The following SNTG1 variants were observed in gnomAD, a reference collection of about 807,000 sequenced individuals.
The protein encoded by SNTG1 is gamma-1-syntrophin.
Under a neutral mutation model 74.7 loss-of-function variants are expected in SNTG1, and 39 were observed. The observed-to-expected ratio is 0.52, with a 90% CI of 0.40 to 0.68. The LOEUF is 0.68. Among genes scored for constraint, SNTG1 ranks in the 30% least tolerant of loss-of-function variants. SNTG1 has a pLI of 0.00. For missense variants in SNTG1, 685 were observed against 609.5 expected (o/e 1.12, Z -1.30); for synonymous variants, 254 against 217.1 (o/e 1.17, Z -1.49).
intron 1 of SNTG1, among the ~76,000 whole-genome samples, chr8:50,101,894 T>A (rs1379863312): frequency 6.6e-6 from 1 of 152,190 alleles, no homozygotes; most frequent in Non-Finnish European, 1.5e-5. Flanking sequence ...GAACTCATCA[T>A]TTTTTATGGC....
intron 1 of SNTG1, among the ~76,000 whole-genome samples, chr8:50,067,059 C>T (rs549605916): frequency 6.6e-6 from 1 of 152,214 alleles, no homozygotes; most frequent in African/African-American, 2.4e-5. Context: ...CATATAAAGC[C>T]ATTCTGCTGT....
intron 2 of SNTG1, among the ~76,000 whole-genome samples, chr8:50,228,801 G>T (rs531163630): frequency 2.0e-5 from 3 of 151,858 alleles, no homozygotes; most frequent in Non-Finnish European, 3.0e-5. Flanking sequence ...AGAAGGAAAA[G>T]AATATAACTC....
intron 3 of SNTG1, 47 bp downstream of exon 3, chr8:50,394,312 A>G (rs1287940273): frequency 1.9e-6 from 3 of 1,589,722 alleles, no homozygotes; most frequent in East Asian, 2.3e-5. Context: ...ACAGAATATA[A>G]GCGGGAAACA....
chr8:49,940,376 T>G (rs1042872728), intron 1 of SNTG1, among the ~76,000 whole-genome samples: 2 of 152,140 alleles, frequency 1.3e-5, no homozygotes, highest in African/African-American at 4.8e-5. Context: ...AAAAAGTAGA[T>G]TTTCCTGGGA....
rs537359421 is a variant in SNTG1 at position 50,264,777 on chromosome 8, C to T, written c.-28+92142C>T. ...AAATAGAGAGAAGACTTGAATTATTCGAATCAGGAATGAAAAGGAGAACAT... is the reference window on the plus strand; with the variant it reads ...AAATAGAGAGAAGACTTGAATTATTTGAATCAGGAATGAAAAGGAGAACAT... On this transcript the variant is annotated intron_variant, in intron 2 of 18. Transcript: ENST00000642720. 2.2e-4 allele frequency among the ~76,000 whole-genome samples: 34 copies of T among 151,700 alleles called. No homozygotes were observed. In the South Asian group the frequency reaches 4.2e-3, roughly 19 times the overall value.
At chr8:50,109,562 G>A (rs556824718) in intron 1 of SNTG1, among the ~76,000 whole-genome samples, 65 of 152,244 alleles carry the variant, frequency 4.3e-4, no homozygotes, top group African/African-American at 1.4e-3. Flanking sequence ...ATATTAGTTA[G>A]AATTGTTCTC....
chr8:50,226,801 A>T (rs1405130453), intron 2 of SNTG1, among the ~76,000 whole-genome samples: 1 of 152,198 alleles, frequency 6.6e-6, no homozygotes. Flanking sequence ...CATTGTAGTC[A>T]GGCCCTCCTG....
intron 4 of SNTG1, among the ~76,000 whole-genome samples, chr8:50,436,184 C>A (rs1203378053): frequency 6.6e-6 from 1 of 152,072 alleles, no homozygotes; most frequent in South Asian, 2.1e-4. Flanking sequence ...GACTGCACCA[C>A]TGATTTTGAT....
chr8:50,353,170 C>T (rs951047469), intron 2 of SNTG1, among the ~76,000 whole-genome samples: 5 of 149,358 alleles, frequency 3.3e-5, no homozygotes, highest in African/African-American at 1.2e-4. Context: ...AAACCAAACG[C>T]CAGATGTTCT....
intron 11 of SNTG1, among the ~76,000 whole-genome samples, chr8:50,540,589 G>A (rs373839455): frequency 6.6e-6 from 1 of 152,174 alleles, no homozygotes. Flanking sequence ...ACATAAACAT[G>A]GTAAAGTGTC....
At chr8:50,399,788 A>G (rs139737030) in intron 3 of SNTG1, among the ~76,000 whole-genome samples, 19 of 152,260 alleles carry the variant, frequency 1.2e-4, no homozygotes, top group Non-Finnish European at 2.1e-4. Flanking sequence ...AATATGTTCT[A>G]TATTAGGGAA....
At chr8:50,424,556 A>G (rs978699519) in intron 4 of SNTG1, among the ~76,000 whole-genome samples, 1 of 152,202 alleles carries the variant, frequency 6.6e-6, no homozygotes, top group Non-Finnish European at 1.5e-5. Context: ...AATATGATAC[A>G]AGTTTCCAGG....
At chr8:50,334,443 C>T (rs6985653) in intron 2 of SNTG1, among the ~76,000 whole-genome samples, 2,137 of 152,032 alleles carry the variant, frequency 0.014, 58 homozygotes, top group African/African-American at 0.049. Context: ...ATGAGTTTCT[C>T]CCCTGTAATT....
intron 1 of SNTG1, among the ~76,000 whole-genome samples, chr8:50,067,053 T>A (rs203942): frequency 0.5 from 76,282 of 152,020 alleles, 22,953 homozygotes; most frequent in East Asian, 0.81. Context: ...GAAAGACATA[T>A]AAAGCCATTC....
At chr8:50,428,257 T>C (rs1263238890) in intron 4 of SNTG1, among the ~76,000 whole-genome samples, 1 of 152,032 alleles carries the variant, frequency 6.6e-6, no homozygotes, top group African/African-American at 2.4e-5. Flanking sequence ...TTACAATGAG[T>C]TATAATGAAG....
intron 4 of SNTG1, among the ~76,000 whole-genome samples, chr8:50,430,744 T>G (rs988630035): frequency 6.6e-6 from 1 of 152,184 alleles, no homozygotes; most frequent in African/African-American, 2.4e-5. Context: ...AGGGTGTATA[T>G]GCTCCAGCAA....
chr8:49,986,116 G>T (rs1185788505), intron 1 of SNTG1, among the ~76,000 whole-genome samples: 2 of 152,132 alleles, frequency 1.3e-5, no homozygotes, highest in African/African-American at 2.4e-5. Flanking sequence ...CAAAGCAAAA[G>T]TTGTGCTGAT....
chr8:50,669,466 A>G (rs889637500), intron 15 of SNTG1, among the ~76,000 whole-genome samples: 2 of 152,212 alleles, frequency 1.3e-5, no homozygotes. Context: ...TCCTCGACAC[A>G]TACACCATCC....
chr8:50,706,591 T>C (rs868813160), intron 16 of SNTG1, among the ~76,000 whole-genome samples: 1 of 152,126 alleles, frequency 6.6e-6, no homozygotes. Context: ...GTGAAATACA[T>C]TGGCCTATTT....
Sources: allele counts gnomAD v4.1 joint callset (sites outside exome capture counted in the v4.1 genomes callset), GRCh38; gene constraint gnomAD v4.1.1; transcripts MANE v1.5; gene names NCBI Gene and HGNC (gene_info 2026-07-23, HGNC 2026-07-21).